ELOVL4: variants seen among roughly 807,000 people sequenced by gnomAD.
ELOVL4 encodes the protein ELOVL fatty acid elongase 4.
ELOVL4 carries 18 observed loss-of-function variants against 42.1 expected under a neutral mutation model. That is an observed-to-expected ratio of 0.43 (90% CI 0.30 to 0.63). The LOEUF (loss-of-function observed/expected upper bound fraction) is 0.63, where lower values mean the gene tolerates loss of function less well. Ranked by LOEUF, ELOVL4 falls within the 30% of genes least tolerant of loss-of-function variation. ELOVL4 has a pLI of 0.15. For missense variants in ELOVL4, 299 were observed against 376.2 expected (o/e 0.79, Z 1.70); for synonymous variants, 117 against 127.0 (o/e 0.92, Z 0.53).
chr6:79,943,321 G>A (rs992011220), intron 1 of ELOVL4, among the ~76,000 whole-genome samples: 1 of 152,096 alleles, frequency 6.6e-6, no homozygotes, highest in Non-Finnish European at 1.5e-5. Flanking sequence ...AAACCTGGAT[G>A]ACTCACTGGC....
At chr6:79,946,209 T>C (rs1774738207) in intron 1 of ELOVL4, among the ~76,000 whole-genome samples, 1 of 152,232 alleles carries the variant, frequency 6.6e-6, no homozygotes, top group South Asian at 2.1e-4. Flanking sequence ...CGTAAAATCA[T>C]TTCTGAAATC....
intron 4 of ELOVL4, among the ~76,000 whole-genome samples, chr6:79,919,900 A>AAT (rs1326178706): frequency 1.3e-5 from 2 of 152,100 alleles, no homozygotes; most frequent in Non-Finnish European, 2.9e-5. Flanking sequence ...TAGATGTGCC[A>AAT]ATATATATAT....
At chr6:79,938,192 C>A (rs1328794018) in intron 1 of ELOVL4, among the ~76,000 whole-genome samples, 2 of 152,194 alleles carry the variant, frequency 1.3e-5, no homozygotes, top group African/African-American at 2.4e-5. Flanking sequence ...CAAGTAGTTT[C>A]CTTCTCTCCT....
In ELOVL4 at chr6:79,916,182, A is replaced by G. The variant is rs1774156831; in HGVS notation, c.*426T>C. The G allele has an allele frequency of 5.4e-6, 1 of 185,876 alleles. No individual in the cohort carries two copies. The allele number at this position is 185,876 out of a possible 1,614,324, so 11.5% of individuals were successfully genotyped here. ...TTTTCAGCTTTGGACAAGAAAATGT[A>G]ACACCACTGATTTCAGTCAGTAGAT... On this transcript the variant is annotated 3_prime_UTR_variant, in exon 6 of 6. Transcript: ENST00000369816.
intron 1 of ELOVL4, among the ~76,000 whole-genome samples, chr6:79,942,780 A>C (rs1774669509): frequency 6.6e-6 from 1 of 152,228 alleles, no homozygotes; most frequent in African/African-American, 2.4e-5. Flanking sequence ...ACTTTATGCT[A>C]TCATTGGGGA....
At chr6:79,926,481 T>C (rs1465745593) in intron 1 of ELOVL4, 100 bp from the exon 2 acceptor site, 3 of 1,208,910 alleles carry the variant, frequency 2.5e-6, no homozygotes, top group African/African-American at 3.0e-5. Flanking sequence ...TTTCCTAATT[T>C]GACTAAATAC....
At chr6:79,945,629 T>C (rs894511423) in intron 1 of ELOVL4, among the ~76,000 whole-genome samples, 9 of 152,092 alleles carry the variant, frequency 5.9e-5, no homozygotes, top group African/African-American at 1.9e-4. Flanking sequence ...GTGTGCGAAG[T>C]GCAATTACCT....
At chr6:79,929,442 T>C (rs1415023593) in intron 1 of ELOVL4, among the ~76,000 whole-genome samples, 2 of 152,172 alleles carry the variant, frequency 1.3e-5, no homozygotes, top group African/African-American at 4.8e-5. Flanking sequence ...GATTTTGTCA[T>C]GCTGCCTAGG....
At chr6:79,917,220 T>C (rs1774178136) in intron 5 of ELOVL4, among the ~76,000 whole-genome samples, 1 of 152,194 alleles carries the variant, frequency 6.6e-6, no homozygotes, top group Admixed American at 6.5e-5. Flanking sequence ...AAAATGACTC[T>C]AGAAGGCAGG....
chr6:79,923,765 A>G (rs1429434148), intron 3 of ELOVL4, among the ~76,000 whole-genome samples: 3 of 152,178 alleles, frequency 2.0e-5, no homozygotes, highest in Admixed American at 1.3e-4. Flanking sequence ...TGCTCAATAC[A>G]TATTTAATGA....
At chr6:79,941,693 C>T (rs1250091878) in intron 1 of ELOVL4, among the ~76,000 whole-genome samples, 4 of 152,254 alleles carry the variant, frequency 2.6e-5, no homozygotes, top group Non-Finnish European at 5.9e-5. Flanking sequence ...GAAATCCCCA[C>T]TCTATGAAAA....
intron 1 of ELOVL4, among the ~76,000 whole-genome samples, chr6:79,936,829 A>T (rs1387424898): frequency 6.6e-6 from 1 of 152,208 alleles, no homozygotes; most frequent in Non-Finnish European, 1.5e-5. Flanking sequence ...GTAATGAACA[A>T]TCTGAGACAC....
At chr6:79,929,004 G>C (rs1003424533) in intron 1 of ELOVL4, among the ~76,000 whole-genome samples, 1 of 152,130 alleles carries the variant, frequency 6.6e-6, no homozygotes, top group Non-Finnish European at 1.5e-5. Context: ...AAGCCACCAT[G>C]ACCAGCTGAC....
At chr6:79,924,355 C>G (rs1464693907) in intron 3 of ELOVL4, among the ~76,000 whole-genome samples, 1 of 152,096 alleles carries the variant, frequency 6.6e-6, no homozygotes, top group East Asian at 1.9e-4. Context: ...AAAATAATGT[C>G]TTTAAAATAA....
rs1774765110 is a variant in ELOVL4, at chr6:79,947,273, G to GC, written c.6dup (p.Leu3AlafsTer8). 6.2e-7 allele frequency: 1 copy of GC among 1,612,000 alleles called. No homozygotes were observed. Among genetic ancestry groups the GC allele is most frequent in the Non-Finnish European group, 8.5e-7 (1 of 1,179,024 alleles). ...ACACTACCCGGCTCCGAGTCCAGGA[G>GC]CCCCATCGCGGCGATGAGCGGGCGC... is the stretch of plus-strand genomic sequence containing the variant. On this transcript the variant is annotated frameshift_variant, in exon 1 of 6. Coordinates refer to ENST00000369816, the MANE Select transcript of ELOVL4 (RefSeq NM_022726.4). LOFTEE classifies it high-confidence loss of function.
intron 1 of ELOVL4, 74 bp downstream of exon 1, chr6:79,947,106 C>T (rs954845938): frequency 3.1e-6 from 4 of 1,276,838 alleles, no homozygotes; most frequent in Non-Finnish European, 4.5e-6. Context: ...GGGCCGGGCC[C>T]GGGAGCTGCG....
rs555157349 is a variant in ELOVL4, at chr6:79,929,732, G to A, written c.101-3351C>T. The stretch of plus-strand genomic sequence containing the variant: ...GAATAGACTAATGGTGAGGAAAACT[G>A]GATCAAGAAAATTTTAACTGGTCAG... On this transcript the variant is annotated intron_variant, in intron 1 of 5. Transcript: ENST00000369816. Among the ~76,000 whole-genome samples the A allele has an allele frequency of 5.5e-4, 83 of 152,268 alleles. 1 individual carries two copies. In the South Asian group the frequency reaches 8.1e-3, roughly 15 times the overall value.
At chr6:79,933,916 G>C (rs890146507) in intron 1 of ELOVL4, among the ~76,000 whole-genome samples, 1 of 152,262 alleles carries the variant, frequency 6.6e-6, no homozygotes, top group Non-Finnish European at 1.5e-5. Context: ...TGTGAGAGAA[G>C]AGAGTCAAAG....
intron 5 of ELOVL4, among the ~76,000 whole-genome samples, chr6:79,918,907 T>C (rs1205231886): frequency 6.6e-6 from 1 of 152,224 alleles, no homozygotes; most frequent in Non-Finnish European, 1.5e-5. Flanking sequence ...CTCTTGCCCT[T>C]ATTCCCTTCC....
Sources: gnomAD v4.1 joint callset for allele counts (sites outside exome capture counted in the v4.1 genomes callset) on GRCh38, gnomAD v4.1.1 for gene constraint, MANE v1.5 for transcripts, NCBI Gene and HGNC (gene_info 2026-07-23, HGNC 2026-07-21) for gene names.